CSMD1: variants seen among roughly 807,000 people sequenced by gnomAD.
The protein encoded by CSMD1 is CUB and Sushi multiple domains 1.
A neutral mutation model predicts 417.5 loss-of-function variants in CSMD1; 213 were observed. The ratio of observed to expected loss-of-function variants is 0.51; its 90% CI spans 0.46 to 0.57. CSMD1 has a LOEUF of 0.57. Among genes scored for constraint, CSMD1 ranks in the 20% least tolerant of loss-of-function variants. The probability of loss-of-function intolerance (pLI) is 0.00; values close to 1 mark genes in which losing one functional copy is unlikely to be tolerated. For missense variants in CSMD1, 6,923 were observed against 4,529.7 expected (o/e 1.53, Z -15.17); for synonymous variants, 2,862 against 1,736.8 (o/e 1.65, Z -16.11).
Position 3,654,032 on chromosome 8 carries a change from G to A in CSMD1, c.1010-37235C>T, listed in dbSNP as rs549002050. On this transcript the variant is annotated intron_variant, in intron 7 of 69. Coordinates refer to ENST00000635120, the MANE Select transcript of CSMD1 (RefSeq NM_033225.6). ...AAAAGCAAATGTCACTGCTTGGAGG[G>A]GCCAACTGTATAACATCCAATTAGG... Among the ~76,000 whole-genome samples, 4 of 152,120 alleles carry A rather than the reference G, an allele frequency of 2.6e-5. No homozygotes were observed. The South Asian group carries it at 6.2e-4, about 24-fold the overall frequency.
At chr8:4,196,293 G>T (rs769964041) in intron 3 of CSMD1, among the ~76,000 whole-genome samples, 3 of 152,172 alleles carry the variant, frequency 2.0e-5, no homozygotes, top group African/African-American at 4.8e-5. Context: ...TTTACAGAGC[G>T]CTCATTTGTT....
intron 4 of CSMD1, among the ~76,000 whole-genome samples, chr8:4,010,988 T>G (rs1816494660): frequency 6.6e-6 from 1 of 152,196 alleles, no homozygotes; most frequent in Non-Finnish European, 1.5e-5. Context: ...TGTTCACTGC[T>G]CCCTTTCTGG....
chr8:4,897,575 G>GT (rs1363572776), intron 1 of CSMD1, among the ~76,000 whole-genome samples: 1 of 151,944 alleles, frequency 6.6e-6, no homozygotes, highest in Non-Finnish European at 1.5e-5. Flanking sequence ...TTGTTACTCC[G>GT]TTTTATAAAT....
intron 2 of CSMD1, among the ~76,000 whole-genome samples, chr8:4,516,503 C>G (rs555185550): frequency 1.0e-3 from 157 of 152,230 alleles, no homozygotes; most frequent in African/African-American, 2.7e-3. Flanking sequence ...TTCTATGATC[C>G]CCCTTCCTTG....
chr8:3,569,183 A>T (rs1252279701), intron 10 of CSMD1, among the ~76,000 whole-genome samples: 1 of 152,140 alleles, frequency 6.6e-6, no homozygotes, highest in Non-Finnish European at 1.5e-5. Flanking sequence ...TCATTTTATA[A>T]CTTCCTGAAT....
chr8:3,953,073 G>A (rs1186145546), intron 5 of CSMD1, among the ~76,000 whole-genome samples: 2 of 151,892 alleles, frequency 1.3e-5, no homozygotes, highest in African/African-American at 4.8e-5. Context: ...AAAAGAAACA[G>A]TATTTGTAAA....
At chr8:4,510,389 C>CAAAAAAAAAAAAAAAAAAAAAAA (rs1563243981) in intron 2 of CSMD1, among the ~76,000 whole-genome samples, 2 of 10,960 alleles carry the variant, frequency 1.8e-4, no homozygotes, top group African/African-American at 8.3e-4. Context: ...AGCATAATGC[C>CAAAAAAAAAAAAAAAAAAAAAAA]TAAAAAAAAA....
At chr8:4,149,281 T>TA (rs35513936) in intron 3 of CSMD1, among the ~76,000 whole-genome samples, 1 of 152,120 alleles carries the variant, frequency 6.6e-6, no homozygotes, top group East Asian at 1.9e-4. Flanking sequence ...TTCATATTCC[T>TA]AAAAAAAGTA....
chr8:3,994,622 T>C (rs1461391975), intron 5 of CSMD1, among the ~76,000 whole-genome samples: 1 of 146,126 alleles, frequency 6.8e-6, no homozygotes, highest in Non-Finnish European at 1.5e-5. Flanking sequence ...ATCCGACTAG[T>C]TAAAAAAAAA....
At chr8:3,853,787 T>G (rs1804086111) in intron 5 of CSMD1, among the ~76,000 whole-genome samples, 2 of 151,390 alleles carry the variant, frequency 1.3e-5, no homozygotes, top group East Asian at 3.9e-4. Context: ...AGTTACTGGG[T>G]GCAGCACACC....
chr8:3,663,700 T>C (rs1293625094), intron 7 of CSMD1, among the ~76,000 whole-genome samples: 5 of 152,324 alleles, frequency 3.3e-5, no homozygotes, highest in Non-Finnish European at 5.9e-5. Context: ...CCTTCTCTGC[T>C]TCCAGCCGTT....
At chr8:4,027,434 G>T (rs60077088) in intron 4 of CSMD1, among the ~76,000 whole-genome samples, 2 of 151,922 alleles carry the variant, frequency 1.3e-5, no homozygotes, top group African/African-American at 4.8e-5. Flanking sequence ...TAGATCATGG[G>T]GGTGGGTCCT....
chr8:4,701,933 A>G (rs941082216), intron 1 of CSMD1, among the ~76,000 whole-genome samples: 14 of 152,198 alleles, frequency 9.2e-5, no homozygotes, highest in Non-Finnish European at 5.9e-5. Context: ...CAGCCATAAA[A>G]AGGAATGAGA....
chr8:3,200,585 A>G (rs1315801760), intron 32 of CSMD1, among the ~76,000 whole-genome samples: 1 of 150,820 alleles, frequency 6.6e-6, no homozygotes, highest in Non-Finnish European at 1.5e-5. Flanking sequence ...AATAATAATA[A>G]AATAAAAATA....
At chr8:4,921,636 C>A (rs1047471760) in intron 1 of CSMD1, among the ~76,000 whole-genome samples, 2 of 152,194 alleles carry the variant, frequency 1.3e-5, no homozygotes, top group Admixed American at 1.3e-4. Flanking sequence ...GAAGGATAAC[C>A]AACAAGTGTG....
intron 26 of CSMD1, among the ~76,000 whole-genome samples, chr8:3,280,543 T>C (rs1802653571): frequency 6.6e-6 from 1 of 152,168 alleles, no homozygotes; most frequent in Non-Finnish European, 1.5e-5. Context: ...CCTAAATGAG[T>C]ATTTCTGAAA....
chr8:3,464,041 C>G (rs1407477009), intron 12 of CSMD1, among the ~76,000 whole-genome samples: 1 of 152,184 alleles, frequency 6.6e-6, no homozygotes, highest in Admixed American at 6.5e-5. Flanking sequence ...TGGAATCACT[C>G]TTAGTATTAG....
At chr8:4,908,208 T>C (rs1210284059) in intron 1 of CSMD1, among the ~76,000 whole-genome samples, 3 of 152,230 alleles carry the variant, frequency 2.0e-5, no homozygotes, top group Non-Finnish European at 4.4e-5. Flanking sequence ...TTGCAGTTTC[T>C]GATAAGAAAT....
At chr8:3,436,327 G>C (rs1050853204) in intron 12 of CSMD1, among the ~76,000 whole-genome samples, 1 of 152,168 alleles carries the variant, frequency 6.6e-6, no homozygotes. Context: ...CCATGCCTTA[G>C]AAGCCATGAG....
Sources: allele counts gnomAD v4.1 joint callset (sites outside exome capture counted in the v4.1 genomes callset), GRCh38; gene constraint gnomAD v4.1.1; transcripts MANE v1.5; gene names NCBI Gene and HGNC (gene_info 2026-07-23, HGNC 2026-07-21).